Variants in ZBTB37 observed in about 807,000 individuals in gnomAD.
ZBTB37 encodes the protein zinc finger and BTB domain-containing protein 37.
Under a neutral mutation model 37.7 loss-of-function variants are expected in ZBTB37, and 15 were observed. The observed-to-expected ratio is 0.40, with a 90% CI of 0.27 to 0.61. The LOEUF is 0.61. Ranked by LOEUF, ZBTB37 falls within the 20% of genes least tolerant of loss-of-function variation. The probability of loss-of-function intolerance (pLI) is 0.44; values close to 1 mark genes in which losing one functional copy is unlikely to be tolerated. For missense variants in ZBTB37, 514 were observed against 641.9 expected (o/e 0.80, Z 2.15); for synonymous variants, 231 against 220.6 (o/e 1.05, Z -0.42).
At chr1:173,870,221 C>G in exon 3 of ZBTB37, 1 of 1,600,702 alleles carries the variant, frequency 6.2e-7, no homozygotes, top group South Asian at 1.1e-5. Context: ...CCCTCAGGCA[C>G]GACCATGGAG....
intron 4 of ZBTB37, among the ~76,000 whole-genome samples, chr1:173,883,227 C>G (rs2102745788): frequency 6.6e-6 from 1 of 152,266 alleles, no homozygotes; most frequent in Middle Eastern, 3.4e-3. Flanking sequence ...GCCTGTAATC[C>G]CAGCACTTTG....
exon 4 of ZBTB37, chr1:173,903,254 G>C (rs971871914): frequency 6.5e-6 from 1 of 153,008 alleles, no homozygotes; most frequent in Non-Finnish European, 1.5e-5. Context: ...TCGGGGAAGG[G>C]GGGAGGGCAG....
chr1:173,871,296 G>C, intron 3 of ZBTB37, 148 bp downstream of exon 3: 1 of 775,510 alleles, frequency 1.3e-6, no homozygotes, highest in Non-Finnish European at 2.0e-6. Flanking sequence ...TGTGCCAAAA[G>C]ACTTGCATTC....
chr1:173,870,956 A>C, exon 3 of ZBTB37: 2 of 1,614,254 alleles, frequency 1.2e-6, no homozygotes, highest in Non-Finnish European at 1.7e-6. Flanking sequence ...GGAGCAGTAC[A>C]CATCAAAACT....
intron 2 of ZBTB37, among the ~76,000 whole-genome samples, chr1:173,869,898 A>G (rs1039999015): frequency 1.4e-4 from 22 of 152,066 alleles, no homozygotes; most frequent in Admixed American, 7.2e-4. Flanking sequence ...CCTTCCCCCT[A>G]CCTTCTGTTG....
chr1:173,873,234 C>G (rs936346370), intron 3 of ZBTB37, among the ~76,000 whole-genome samples: 2 of 152,162 alleles, frequency 1.3e-5, no homozygotes, highest in Admixed American at 6.5e-5. Context: ...TTTAGCTTCA[C>G]CAGCTCATAT....
intron 1 of ZBTB37, among the ~76,000 whole-genome samples, 151 bp downstream of exon 1, chr1:173,868,556 AC>A (rs1448462713): frequency 2.0e-5 from 3 of 149,628 alleles, no homozygotes; most frequent in Admixed American, 6.6e-5. Context: ...GCGACCTTCC[AC>A]CCCCTTGGCC....
chr1:173,886,731 A>G (rs950026567), downstream of ZBTB37: 1 of 152,868 alleles, frequency 6.5e-6, no homozygotes, highest in Admixed American at 6.5e-5. Context: ...ATTTCATATA[A>G]TCAGCCATCT....
Position 173,886,079 on chromosome 1 carries a change from TG to T in ZBTB37, c.1471del (p.Glu491LysfsTer29), listed in dbSNP as rs1225268730. On this transcript the variant is annotated frameshift_variant, in exon 5 of 5. Coordinates refer to ENST00000427304, the Ensembl canonical transcript of ZBTB37. LOFTEE classifies it high-confidence loss of function. Reference sequence around the variant, plus strand: ...CTTCACAGGAAGAGACAGTTGCTCCTGGGGAAGCTGTCCAGGGCTCTGTGTC... The same window carrying T: ...CTTCACAGGAAGAGACAGTTGCTCCTGGGAAGCTGTCCAGGGCTCTGTGTC... The T allele has an allele frequency of 6.4e-7, 1 of 1,551,432 alleles. No homozygotes were observed. Among genetic ancestry groups the T allele is most frequent in the Non-Finnish European group, 8.7e-7 (1 of 1,146,908 alleles).
chr1:173,883,192 C>T lies in ZBTB37; in HGVS notation c.1024-2444C>T, dbSNP rs559689469. On this transcript the variant is annotated intron_variant, in intron 4 of 4. Coordinates refer to ENST00000427304, the Ensembl canonical transcript of ZBTB37. ...ACCATTGTATTTAGAAAAAAGAGTA[C>T]TGTTGGCTGGGCCTGGTGGCTCAAG... Among the ~76,000 whole-genome samples the T allele has an allele frequency of 5.9e-5, 9 of 152,258 alleles. No homozygotes were observed. In the South Asian group the frequency reaches 1.7e-3, roughly 28 times the overall value.
chr1:173,870,647 C>T lies in ZBTB37; in HGVS notation c.422C>T (p.Thr141Ile), dbSNP rs975816131. The stretch of plus-strand genomic sequence containing the variant: ...GAGGTTGAAGCAGAATTAAGTCAAA[C>T]AAGGACAAAGCATCAAGAGAGACCT... Residue 141 changes from threonine (T) to isoleucine (I), a missense_variant, in exon 3 of 5, where the codon ACA (threonine) becomes ATA (isoleucine). Transcript: ENST00000427304. 4 of 1,614,020 alleles carry T rather than the reference C, an allele frequency of 2.5e-6. No individual in the cohort carries two copies. The highest frequency in any genetic ancestry group is 1.7e-5 in the Admixed American group (1 of 60,004).
downstream of ZBTB37, chr1:173,888,478 A>AGTTTAGT (rs113940216): frequency 2.6e-5 from 4 of 151,802 alleles, no homozygotes; most frequent in African/African-American, 9.7e-5. Context: ...CCCAAACCAG[A>AGTTTAGT]GTGCAGTGGT....
At chr1:173,874,179 CG>C (rs1007509543) in intron 4 of ZBTB37, among the ~76,000 whole-genome samples, 1 of 144,652 alleles carries the variant, frequency 6.9e-6, no homozygotes, top group African/African-American at 2.6e-5. Context: ...GGCTTGAACC[CG>C]GGAGGCGGAG....
chr1:173,886,203 A>C, exon 5 of ZBTB37: 1 of 1,464,464 alleles, frequency 6.8e-7, no homozygotes, highest in East Asian at 2.5e-5. Context: ...GCTGATACTT[A>C]GATTCACAAA....
rs935343065 is a variant in ZBTB37, at chr1:173,875,202, A to G, written c.1023+1636A>G. Among the ~76,000 whole-genome samples the G allele has an allele frequency of 2.0e-5, 3 of 150,846 alleles. No individual in the cohort carries two copies. In the East Asian group the frequency reaches 5.8e-4, roughly 29 times the overall value. ...ATACTATATGTAGTATACACACACT[A>G]TGTATACTATAGTATGCACACACTA... On this transcript the variant is annotated intron_variant, in intron 4 of 4. Coordinates refer to ENST00000427304, the Ensembl canonical transcript of ZBTB37.
chr1:173,882,829 A>G (rs1051956124), intron 4 of ZBTB37, among the ~76,000 whole-genome samples: 13 of 152,220 alleles, frequency 8.5e-5, no homozygotes, highest in Non-Finnish European at 1.6e-4. Context: ...CATTTATTAA[A>G]TAGGAAATCC....
At chr1:173,878,841 T>C (rs570330966) in intron 4 of ZBTB37, among the ~76,000 whole-genome samples, 12 of 152,262 alleles carry the variant, frequency 7.9e-5, no homozygotes, top group African/African-American at 2.4e-4. Context: ...CCCAGCACTT[T>C]GGGAGGCTGA....
At chr1:173,882,642 A>G (rs927879097) in intron 4 of ZBTB37, among the ~76,000 whole-genome samples, 5 of 152,130 alleles carry the variant, frequency 3.3e-5, no homozygotes, top group Non-Finnish European at 7.4e-5. Context: ...TTTAGTCATG[A>G]TGTCCTTGCC....
intron 4 of ZBTB37, among the ~76,000 whole-genome samples, chr1:173,881,774 G>A (rs1428010435): frequency 1.3e-5 from 2 of 152,014 alleles, no homozygotes; most frequent in Non-Finnish European, 2.9e-5. Flanking sequence ...TGTCTGTTCG[G>A]CCGGGCGTGG....
Sources: allele counts gnomAD v4.1 joint callset (sites outside exome capture counted in the v4.1 genomes callset), GRCh38; gene constraint gnomAD v4.1.1; transcripts MANE v1.5; gene names NCBI Gene and HGNC (gene_info 2026-07-23, HGNC 2026-07-21).